KIF13A: variants seen among roughly 807,000 people sequenced by gnomAD.
The protein encoded by KIF13A is kinesin family member 13A, also known as kinesin-like protein KIF13A.
A neutral mutation model predicts 212.2 loss-of-function variants in KIF13A; 79 were observed. The ratio of observed to expected loss-of-function variants is 0.37; its 90% CI spans 0.31 to 0.45. The LOEUF (loss-of-function observed/expected upper bound fraction) is 0.45, where lower values mean the gene tolerates loss of function less well. KIF13A is among the 20% of genes least tolerant of loss of function. The pLI, the probability that KIF13A is intolerant of heterozygous loss-of-function variation, is 1.00. For synonymous variants in KIF13A, 789 were observed against 808.6 expected (o/e 0.98, Z 0.41); for missense variants, 1,901 against 2,209.0 (o/e 0.86, Z 2.79).
intron 31 of KIF13A, 112 bp downstream of exon 31, chr6:17,780,618 G>T: frequency 1.0e-6 from 1 of 960,082 alleles, no homozygotes; most frequent in Non-Finnish European, 1.6e-6. Context: ...AACTTGGCCA[G>T]GATGGTCATG....
rs370190031 is a variant in KIF13A, at chr6:17,764,569, T to C, written c.4959A>G (p.Thr1653=). The change falls in exon 39 of 39, where the codon ACA becomes ACG. Residue 1653 remains threonine, a synonymous_variant. Coordinates refer to ENST00000259711, the MANE Select transcript of KIF13A (RefSeq NM_022113.6). This position sits in a 1 kb window ranked among gnomAD's most constrained non-coding sequence, Gnocchi z 5.1. ...DFRPSSNKEL[T]EVEKGLVKDK... is the part of the protein sequence containing the mutation. Reference sequence around the variant, plus strand: ...CCTTTACCAAGCCTTTTTCGACTTCTGTCAACTCTTTGTTTGAGGACGGCC... The same window carrying C: ...CCTTTACCAAGCCTTTTTCGACTTCCGTCAACTCTTTGTTTGAGGACGGCC... The C allele has an allele frequency of 1.2e-6, 2 of 1,613,870 alleles. No homozygotes were observed. The highest frequency in any genetic ancestry group is 1.1e-5 in the South Asian group (1 of 91,084).
At chr6:17,920,383 A>G (rs1445390883) in intron 2 of KIF13A, among the ~76,000 whole-genome samples, 2 of 152,194 alleles carry the variant, frequency 1.3e-5, no homozygotes, top group African/African-American at 4.8e-5. Flanking sequence ...AAGGAGAACA[A>G]TCATTTTCAT....
Position 17,963,313 on chromosome 6 carries a change from G to A in KIF13A, c.146+23741C>T, listed in dbSNP as rs1376479119. On this transcript the variant is annotated intron_variant, in intron 2 of 38. Transcript: ENST00000259711. This position sits in a 1 kb window ranked among gnomAD's most constrained non-coding sequence, Gnocchi z 4.1. ...GGCGCCTGTAGTCCCAGCTACTCGG[G>A]AGGCTGACGCAGGAGAATCACTTGA... Among the ~76,000 whole-genome samples, 1 of 152,178 alleles carries A rather than the reference G, an allele frequency of 6.6e-6. No individual in the cohort carries two copies. The highest frequency in any genetic ancestry group is 1.5e-5 in the Non-Finnish European group (1 of 68,032).
chr6:17,844,331 T>C (rs969674925), intron 9 of KIF13A, among the ~76,000 whole-genome samples: 2 of 152,190 alleles, frequency 1.3e-5, no homozygotes, highest in African/African-American at 4.8e-5. Flanking sequence ...ACCGTTGTGG[T>C]AGAACAATAG....
intron 2 of KIF13A, among the ~76,000 whole-genome samples, chr6:17,906,446 CT>C (rs1190404484): frequency 2.9e-5 from 3 of 102,424 alleles, no homozygotes; most frequent in Non-Finnish European, 3.9e-5. Context: ...TTTTCTCTTT[CT>C]TTCTTCTTTT....
At chr6:17,960,518 C>A (rs575610754) in intron 2 of KIF13A, among the ~76,000 whole-genome samples, 1 of 152,278 alleles carries the variant, frequency 6.6e-6, no homozygotes, top group South Asian at 2.1e-4. Flanking sequence ...AAATCAGTGA[C>A]CATTTTGGGG....
At chr6:17,852,479 G>A (rs1461282643) in intron 6 of KIF13A, among the ~76,000 whole-genome samples, 2 of 152,174 alleles carry the variant, frequency 1.3e-5, no homozygotes, top group Non-Finnish European at 2.9e-5. Context: ...GAGTGCAGTA[G>A]CATGACCCCG....
At chr6:17,885,117 A>G (rs1018305192) in intron 3 of KIF13A, among the ~76,000 whole-genome samples, 4 of 152,126 alleles carry the variant, frequency 2.6e-5, no homozygotes, top group African/African-American at 9.7e-5. Flanking sequence ...AAGATTCATA[A>G]AAGAAAAAAA....
Position 17,951,384 on chromosome 6 carries a change from G to A in KIF13A, c.146+35670C>T. On this transcript the variant is annotated intron_variant, in intron 2 of 38. Transcript: ENST00000259711. The surrounding 1 kb of genome is among the most constrained non-coding windows in gnomAD (Gnocchi z 4.9). ...CGGCTCAAGTGATCCTCTTGCCTTG[G>A]CCTCCCAAAGTGCTGGAATTAGAGA... 1.6e-6 allele frequency: 1 copy of A among 624,540 alleles called. No individual in the cohort carries two copies. 38.7% of individuals were successfully genotyped at this position (624,540 alleles called of 1,614,324 possible). A position where few individuals can be genotyped will look rare whatever the true frequency, so the allele number is the denominator to read the frequency against.
Position 17,773,718 on chromosome 6 carries a change from ATATACAGAAAGGGCTGAATATCG to A in KIF13A, c.4219-158_4219-136del, listed in dbSNP as rs1304779404. The A allele has an allele frequency of 2.0e-6, 1 of 498,852 alleles. No individual in the cohort carries two copies. The highest frequency in any genetic ancestry group is 2.9e-5 in the East Asian group (1 of 34,054). The allele number at this position is 498,852 out of a possible 1,614,324, so 30.9% of individuals were successfully genotyped here. A position where few individuals can be genotyped will look rare whatever the true frequency, so the allele number is the denominator to read the frequency against. On this transcript the variant is annotated intron_variant, in intron 35 of 38. Transcript: ENST00000259711. The surrounding 1 kb of genome is among the most constrained non-coding windows in gnomAD (Gnocchi z 4.2). ...TTATTTTTATTATGATTTATTTCAA[ATATACAGAAAGGGCTGAATATCG>A]TAAAAAATACTGTCATATCCAAGGT...
In KIF13A at chr6:17,785,422, C is replaced by T. The variant is rs1760966845; in HGVS notation, c.3488+93G>A. On this transcript the variant is annotated intron_variant, in intron 28 of 38. Coordinates refer to ENST00000259711, the MANE Select transcript of KIF13A (RefSeq NM_022113.6). The surrounding 1 kb of genome is among the most constrained non-coding windows in gnomAD (Gnocchi z 5.8). ...AAGTAGTTCAGCTGGTTGGCATTTT[C>T]TGTGACAATCCTGGAAAGTCTCTTG... The T allele has an allele frequency of 7.3e-7, 1 of 1,361,556 alleles. No individual in the cohort carries two copies. The highest frequency in any genetic ancestry group is 9.7e-7 in the Non-Finnish European group (1 of 1,034,032). The allele number at this position is 1,361,556 out of a possible 1,614,324, so 84.3% of individuals were successfully genotyped here. A position where few individuals can be genotyped will look rare whatever the true frequency, so the allele number is the denominator to read the frequency against.
intron 2 of KIF13A, among the ~76,000 whole-genome samples, chr6:17,921,228 A>G (rs1203090185): frequency 6.6e-6 from 1 of 152,210 alleles, no homozygotes; most frequent in Non-Finnish European, 1.5e-5. Flanking sequence ...GTAGCATATC[A>G]AGTGCACTGA....
At chr6:17,901,056 T>G (rs1773018255) in intron 2 of KIF13A, among the ~76,000 whole-genome samples, 1 of 127,160 alleles carries the variant, frequency 7.9e-6, no homozygotes, top group Non-Finnish European at 1.6e-5. Flanking sequence ...CCATCCATCC[T>G]GGGCGACAGA....
rs1411317436 is a variant in KIF13A at position 17,771,647 on chromosome 6, A to G, written c.4476+261T>C. The G allele has an allele frequency of 7.5e-6, 3 of 397,900 alleles. No individual in the cohort carries two copies. Among genetic ancestry groups the G allele is most frequent in the Non-Finnish European group, 1.3e-5 (3 of 223,506 alleles). The allele number at this position is 397,900 out of a possible 1,614,324, so 24.6% of individuals were successfully genotyped here. A position where few individuals can be genotyped will look rare whatever the true frequency, so the allele number is the denominator to read the frequency against. Reference sequence around the variant, plus strand: ...CCTTTAATCTTTTCAAAACACCTAGAAAACATCTTTCTCACTTGAAACATA... The same window carrying G: ...CCTTTAATCTTTTCAAAACACCTAGGAAACATCTTTCTCACTTGAAACATA... On this transcript the variant is annotated intron_variant, in intron 37 of 38. Coordinates refer to ENST00000259711, the MANE Select transcript of KIF13A (RefSeq NM_022113.6). This position sits in a 1 kb window ranked among gnomAD's most constrained non-coding sequence, Gnocchi z 5.4.
At chr6:17,812,961 G>A (rs1217858070) in intron 17 of KIF13A, among the ~76,000 whole-genome samples, 2 of 152,068 alleles carry the variant, frequency 1.3e-5, no homozygotes, top group Non-Finnish European at 2.9e-5. Context: ...ATGCTTTGTT[G>A]GCCACATGTA....
In KIF13A at chr6:17,764,820, A is replaced by C. The variant is rs751362648; in HGVS notation, c.4708T>G (p.Phe1570Val). 6.2e-7 allele frequency: 1 copy of C among 1,613,526 alleles called. No homozygotes were observed. The part of the protein sequence containing the change: ...YNASLENREW[F>V]SSKVDLSNSR... Reference sequence around the variant, plus strand: ...TTTGACAGATCTACTTTAGAGGAAAACCATTCCCTGTTCTCCAAGCTGGCA... The same window carrying C: ...TTTGACAGATCTACTTTAGAGGAAACCCATTCCCTGTTCTCCAAGCTGGCA... The change falls in exon 39 of 39, where the codon TTT (phenylalanine) becomes GTT (valine). Residue 1570 changes from phenylalanine to valine, a missense_variant. By Grantham distance (50) the Phe-to-Val change is conservative (BLOSUM62 -1). Transcript: ENST00000259711. This position sits in a 1 kb window ranked among gnomAD's most constrained non-coding sequence, Gnocchi z 5.1.
At position 17,828,811 on chromosome 6, in the gene KIF13A, T is replaced by G. The variant is rs55700717; in HGVS notation, c.1402-441A>C. Among the ~76,000 whole-genome samples, 29,685 of 152,116 alleles carry G rather than the reference T, an allele frequency of 0.2. 3,065 individuals carry two copies. Among genetic ancestry groups the G allele is most frequent in the South Asian group, 0.31 (1,495 of 4,826 alleles). On this transcript the variant is annotated intron_variant, in intron 13 of 38. Coordinates refer to ENST00000259711, the MANE Select transcript of KIF13A (RefSeq NM_022113.6). This position sits in a 1 kb window ranked among gnomAD's most constrained non-coding sequence, Gnocchi z 4.3. ...GTGTTTTGAAAACAGTTACATAAATTTAAGAACCATTAAAAAGCAGTTTCA... is the reference window on the plus strand; with the variant it reads ...GTGTTTTGAAAACAGTTACATAAATGTAAGAACCATTAAAAAGCAGTTTCA...
At chr6:17,901,508 C>A (rs1432713808) in intron 2 of KIF13A, among the ~76,000 whole-genome samples, 1 of 152,206 alleles carries the variant, frequency 6.6e-6, no homozygotes, top group Non-Finnish European at 1.5e-5. Context: ...CAATCACCAG[C>A]AGCCAACTGA....
At chr6:17,873,334 A>C (rs368174654) in intron 4 of KIF13A, 43 bp downstream of exon 4, 6 of 1,323,780 alleles carry the variant, frequency 4.5e-6, no homozygotes, top group Non-Finnish European at 6.3e-6. Context: ...ATGGAAGAAG[A>C]GGCCAGAAGC....
Sources: gnomAD v4.1 joint callset for allele counts (sites outside exome capture counted in the v4.1 genomes callset) on GRCh38, gnomAD v4.1.1 for gene constraint, Gnocchi (gnomAD v3.1) non-coding constraint, MANE v1.5 for transcripts, NCBI Gene and HGNC (gene_info 2026-07-23, HGNC 2026-07-21) for gene names.